TP53BP1: variants seen among roughly 807,000 people sequenced by gnomAD.
TP53BP1 encodes the protein tumor protein p53 binding protein 1.
TP53BP1 carries 61 observed loss-of-function variants against 200.8 expected under a neutral mutation model. The observed-to-expected ratio is 0.30, with a 90% CI of 0.25 to 0.38. The LOEUF (loss-of-function observed/expected upper bound fraction) is 0.38. Ranked by LOEUF, TP53BP1 falls within the 10% of genes least tolerant of loss-of-function variation. The pLI is 1.00. For missense variants in TP53BP1, 2,144 were observed against 2,371.9 expected (o/e 0.90, Z 2.00); for synonymous variants, 822 against 844.3 (o/e 0.97, Z 0.46).
At chr15:43,434,331 A>G (rs553679557) in intron 16 of TP53BP1, among the ~76,000 whole-genome samples, 1 of 152,352 alleles carries the variant, frequency 6.6e-6, no homozygotes, top group East Asian at 1.9e-4. Flanking sequence ...TATCAACTAA[A>G]TATTCATATT....
Position 43,457,318 on chromosome 15 carries a change from C to T in TP53BP1, c.1390-100G>A, listed in dbSNP as rs35850247. The T allele has an allele frequency of 1.5e-5, 17 of 1,111,814 alleles. No individual in the cohort carries two copies. In the African/African-American group the frequency reaches 2.5e-4, roughly 17 times the overall value. The allele number at this position is 1,111,814 out of a possible 1,614,324, so 68.9% of individuals were successfully genotyped here. ...ATATAAAATTTCTAAAATCAAATTT[C>T]TAAATCAAATTTTTAAATTCATATA... On this transcript the variant is annotated intron_variant, in intron 11 of 27. Coordinates refer to ENST00000382044, the MANE Select transcript of TP53BP1 (RefSeq NM_001141980.3).
chr15:43,455,211 T>C (rs767680404), intron 12 of TP53BP1, among the ~76,000 whole-genome samples: 13 of 152,166 alleles, frequency 8.5e-5, no homozygotes, highest in Non-Finnish European at 1.8e-4. Context: ...TCATCAACAG[T>C]TCTGAATGTG....
At chr15:43,422,182 A>T in intron 18 of TP53BP1, 56 bp from the exon 19 acceptor site, 1 of 1,553,546 alleles carries the variant, frequency 6.4e-7, no homozygotes, top group Admixed American at 2.0e-5. Flanking sequence ...CACAATGCTA[A>T]TATGATGGTT....
At position 43,413,281 on chromosome 15, in the gene TP53BP1, C is replaced by T. The variant is rs747495964; in HGVS notation, c.5143G>A (p.Gly1715Ser). 19 of 1,614,032 alleles carry T rather than the reference C, an allele frequency of 1.2e-5. No individual in the cohort carries two copies. Among genetic ancestry groups the T allele is most frequent in the Middle Eastern group, 1.6e-4 (1 of 6,084 alleles). Residue 1715 changes from glycine (G) to serine (S), a missense_variant, in exon 24 of 28, where the codon GGT (glycine) becomes AGT (serine). Physicochemically the swap from Gly to Ser is moderately conservative, Grantham distance 56. Coordinates refer to ENST00000382044, the MANE Select transcript of TP53BP1 (RefSeq NM_001141980.3). ...TGCTCTTCCAGGGCAGAGGGTTCAC[C>T]GGTGTTGTCTCCACTCTCACAGGGG... ...VSPCESGDNT[G>S]EPSALEEQRG... is the part of the protein sequence containing the mutation.
At chr15:43,460,428 T>C (rs1270248803) in intron 11 of TP53BP1, among the ~76,000 whole-genome samples, 4 of 152,040 alleles carry the variant, frequency 2.6e-5, no homozygotes, top group African/African-American at 9.7e-5. Flanking sequence ...AGCCAGGTAA[T>C]TTTTGTATTT....
chr15:43,403,876 C>A lies in TP53BP1; in HGVS notation c.*3507G>T. On this transcript the variant is annotated 3_prime_UTR_variant, in exon 28 of 28. Transcript: ENST00000382044. The stretch of plus-strand genomic sequence containing the variant: ...GCCAATGGAGAATTCATGATCTTTC[C>A]TCTGAGTCAGTAAAGCATTTCCTCA... The A allele has an allele frequency of 2.0e-6, 2 of 1,006,340 alleles. No homozygotes were observed. Among genetic ancestry groups the A allele is most frequent in the Non-Finnish European group, 3.2e-6 (2 of 633,222 alleles). 62.3% of individuals were successfully genotyped at this position (1,006,340 alleles called of 1,614,324 possible).
chr15:43,428,280 C>T, intron 17 of TP53BP1, 112 bp from the exon 18 acceptor site: 3 of 908,684 alleles, frequency 3.3e-6, no homozygotes, highest in East Asian at 2.5e-5. Flanking sequence ...TCTAGTGTGA[C>T]AGAATCTTCC....
At chr15:43,450,559 C>G (rs1211933186) in intron 12 of TP53BP1, among the ~76,000 whole-genome samples, 1 of 152,162 alleles carries the variant, frequency 6.6e-6, no homozygotes, top group East Asian at 1.9e-4. Context: ...TAAAGACTTA[C>G]TGAACTCCTT....
chr15:43,466,256 AG>A (rs2046578188), intron 11 of TP53BP1, among the ~76,000 whole-genome samples: 1 of 152,224 alleles, frequency 6.6e-6, no homozygotes, highest in African/African-American at 2.4e-5. Flanking sequence ...AGTACAGATT[AG>A]AAATCAGGAG....
chr15:43,412,861 C>T (rs2045157892), intron 24 of TP53BP1: 1 of 570,672 alleles, frequency 1.8e-6, no homozygotes, highest in African/African-American at 1.9e-5. Flanking sequence ...CTTGTTTCCT[C>T]ATCCATAAAA....
chr15:43,505,973 C>A (rs566901370), intron 1 of TP53BP1, among the ~76,000 whole-genome samples: 4 of 152,200 alleles, frequency 2.6e-5, no homozygotes, highest in African/African-American at 9.7e-5. Context: ...GAGCTGTATG[C>A]AGCTCCCTTG....
At position 43,432,536 on chromosome 15, in the gene TP53BP1, C is replaced by A; in HGVS notation, c.3333G>T (p.Lys1111Asn). The change falls in exon 17 of 28, where the codon AAG (lysine) becomes AAT (asparagine). Residue 1111 changes from lysine (K) to asparagine (N), a missense_variant. Physicochemically the swap from Lys to Asn is moderately conservative, Grantham distance 94. Transcript: ENST00000382044. ...GACTGGATGGCCCTTGTATGACCAT[C>A]TTCTGGGAAGCAGGAGAAACAGGGT... is the stretch of plus-strand genomic sequence containing the variant. ...VKDPVSPASQ[K>N]MVIQGPSSPQ... 6.2e-7 allele frequency: 1 copy of A among 1,614,186 alleles called. No individual in the cohort carries two copies.
In TP53BP1 at chr15:43,441,924, T is replaced by A. The variant is rs540971468; in HGVS notation, c.3041-341A>T. Among the ~76,000 whole-genome samples the A allele has an allele frequency of 5.9e-5, 9 of 151,914 alleles. No homozygotes were observed. The South Asian group carries it at 1.9e-3, about 32-fold the overall frequency. ...GCCACCACGTCCAGCTAATTTTTTG[T>A]ATTTTTTAGGAAAGACAGGGTTTTG... is the stretch of plus-strand genomic sequence containing the variant. On this transcript the variant is annotated intron_variant, in intron 14 of 27. Coordinates refer to ENST00000382044, the MANE Select transcript of TP53BP1 (RefSeq NM_001141980.3).
At chr15:43,438,724 G>A (rs908644779) in intron 15 of TP53BP1, among the ~76,000 whole-genome samples, 1 of 40,816 alleles carries the variant, frequency 2.5e-5, no homozygotes, top group Non-Finnish European at 3.8e-5. Context: ...TTGCAAGCAA[G>A]AGGCAAAAAA....
intron 11 of TP53BP1, among the ~76,000 whole-genome samples, chr15:43,463,466 A>G (rs2046487539): frequency 6.6e-6 from 1 of 152,230 alleles, no homozygotes; most frequent in Admixed American, 6.5e-5. Flanking sequence ...TTACCCATTA[A>G]GAATAACAAG....
intron 1 of TP53BP1, among the ~76,000 whole-genome samples, chr15:43,505,763 A>T (rs1197934860): frequency 6.6e-6 from 1 of 152,188 alleles, no homozygotes; most frequent in Non-Finnish European, 1.5e-5. Flanking sequence ...GCCTTTTTAA[A>T]GGTTATTTTA....
In TP53BP1 at chr15:43,406,505, T is replaced by G; in HGVS notation, c.*878A>C. On this transcript the variant is annotated 3_prime_UTR_variant, in exon 28 of 28. Transcript: ENST00000382044. The stretch of plus-strand genomic sequence containing the variant: ...CATGCCCATTTGTTTACTCATTGTC[T>G]ATGGTTGCTTTCATGCCCTCACAGC... The G allele has an allele frequency of 3.4e-5, 15 of 444,930 alleles. No homozygotes were observed. Among genetic ancestry groups the G allele is most frequent in the South Asian group, 2.4e-4 (15 of 62,224 alleles). 27.6% of individuals were successfully genotyped at this position (444,930 alleles called of 1,614,324 possible).
chr15:43,503,246 A>C (rs1386817968), intron 1 of TP53BP1, among the ~76,000 whole-genome samples: 1 of 152,244 alleles, frequency 6.6e-6, no homozygotes, highest in Non-Finnish European at 1.5e-5. Flanking sequence ...TGCCCTTTGC[A>C]ATCAATTCCC....
chr15:43,438,728 C>CAAAAAAAAAA lies in TP53BP1; in HGVS notation c.3099-322_3099-313dup, dbSNP rs397699362. Among the ~76,000 whole-genome samples, 28 of 21,648 alleles carry CAAAAAAAAAA rather than the reference C, an allele frequency of 1.3e-3. 10 individuals carry two copies. The highest frequency in any genetic ancestry group is 4.7e-3 in the African/African-American group (23 of 4,934). 14.2% of individuals were successfully genotyped at this position (21,648 alleles called of 152,430 possible). On this transcript the variant is annotated intron_variant, in intron 15 of 27. Coordinates refer to ENST00000382044, the MANE Select transcript of TP53BP1 (RefSeq NM_001141980.3). ...CAACAAATAATTTGCAAGCAAGAGG[C>CAAAAAAAAAA]AAAAAAAAAAAAAAAAAAAAAAAAA... is the stretch of plus-strand genomic sequence containing the variant.
Sources: gnomAD v4.1 joint callset for allele counts (sites outside exome capture counted in the v4.1 genomes callset) on GRCh38, gnomAD v4.1.1 for gene constraint, MANE v1.5 for transcripts, NCBI Gene and HGNC (gene_info 2026-07-23, HGNC 2026-07-21) for gene names.